The following SNX25 variants were observed in gnomAD, a reference collection of about 807,000 sequenced individuals.
SNX25 encodes sorting nexin-25.
In SNX25, 62 loss-of-function variants were observed where a neutral mutation model predicts 113.7. That is an observed-to-expected ratio of 0.55 (90% CI 0.44 to 0.67). The LOEUF (loss-of-function observed/expected upper bound fraction) is 0.67. Ranked by LOEUF, SNX25 falls within the 30% of genes least tolerant of loss-of-function variation. The probability of loss-of-function intolerance (pLI) is 0.00; values close to 1 mark genes in which losing one functional copy is unlikely to be tolerated. For missense variants in SNX25, 1,014 were observed against 1,161.0 expected (o/e 0.87, Z 1.84); for synonymous variants, 421 against 436.2 (o/e 0.97, Z 0.43).
chr4:185,376,066 G>A, the SNX25 span, among the ~76,000 whole-genome samples: 10 of 152,038 alleles, frequency 6.6e-5, no homozygotes, highest in African/African-American at 9.7e-5. Flanking sequence ...AAGTCTTCCC[G>A]GGGAAGTCAA....
At chr4:185,282,135 G>T (rs1026858979) in intron 5 of SNX25, among the ~76,000 whole-genome samples, 1 of 151,890 alleles carries the variant, frequency 6.6e-6, no homozygotes, top group African/African-American at 2.4e-5. Flanking sequence ...TTATCACATC[G>T]CATACCTGAG....
At chr4:185,332,439 A>C (rs2095202030) in intron 9 of SNX25, among the ~76,000 whole-genome samples, 156 bp from the exon 10 acceptor site, 1 of 152,104 alleles carries the variant, frequency 6.6e-6, no homozygotes, top group Admixed American at 6.6e-5. Flanking sequence ...AAAGACTTTG[A>C]TTTTTCTCTT....
chr4:185,224,035 C>A (rs1028172556), intron 1 of SNX25, among the ~76,000 whole-genome samples: 9 of 152,082 alleles, frequency 5.9e-5, no homozygotes, highest in African/African-American at 1.9e-4. Context: ...GTGACCAATT[C>A]CCCCATTGTG....
At chr4:185,241,532 AGAGGGAGAG>A (rs1744033999) in intron 1 of SNX25, among the ~76,000 whole-genome samples, 2 of 107,972 alleles carry the variant, frequency 1.9e-5, no homozygotes, top group African/African-American at 3.5e-5. Context: ...GAGAGGAGGG[AGAGGGAGAG>A]GAGGGAGAGG....
chr4:185,239,429 G>A (rs1280172274), intron 1 of SNX25, among the ~76,000 whole-genome samples: 2 of 152,150 alleles, frequency 1.3e-5, no homozygotes, highest in Non-Finnish European at 2.9e-5. Context: ...CTTGCAGTGA[G>A]CTGAGATCGC....
At chr4:185,251,792 C>T (rs1257722160) in intron 2 of SNX25, among the ~76,000 whole-genome samples, 1 of 151,460 alleles carries the variant, frequency 6.6e-6, no homozygotes, top group Non-Finnish European at 1.5e-5. Flanking sequence ...TTATTTTAGA[C>T]CAGTTTGTTT....
At chr4:185,323,039 C>G (rs545196768) in intron 8 of SNX25, among the ~76,000 whole-genome samples, 1 of 152,248 alleles carries the variant, frequency 6.6e-6, no homozygotes, top group Admixed American at 6.5e-5. Context: ...ACAAAGCTGT[C>G]TAATATAAGC....
chr4:185,264,332 T>G (rs1747743949), intron 3 of SNX25, 106 bp from the exon 4 acceptor site: 1 of 1,081,904 alleles, frequency 9.2e-7, no homozygotes, highest in Non-Finnish European at 1.3e-6. Flanking sequence ...GAGATGGCAG[T>G]TACTATAACC....
chr4:185,372,997 T>G (rs779701346), downstream of SNX25: 1 of 1,613,988 alleles, frequency 6.2e-7, no homozygotes, highest in Admixed American at 1.7e-5. Flanking sequence ...CCGGATGCCT[T>G]GTCCATACAA....
At position 185,211,311 on chromosome 4, in the gene SNX25, G is replaced by A. The variant is rs1484434975; in HGVS notation, c.429+1056G>A. ...AGGTAACAGACATTTCGCTCAGTAGGCTGATAAACAAGGCAGTATATTAAG... is the reference window on the plus strand; with the variant it reads ...AGGTAACAGACATTTCGCTCAGTAGACTGATAAACAAGGCAGTATATTAAG... On this transcript the variant is annotated intron_variant, in intron 1 of 18. Coordinates refer to ENST00000652585, the MANE Select transcript of SNX25 (RefSeq NM_001378034.2). 2.6e-5 allele frequency among the ~76,000 whole-genome samples: 4 copies of A among 152,194 alleles called. No homozygotes were observed. In the East Asian group the frequency reaches 5.8e-4, roughly 22 times the overall value.
At chr4:185,368,217 C>A (rs2095398248), downstream of SNX25, among the ~76,000 whole-genome samples, 1 of 152,190 alleles carries the variant, frequency 6.6e-6, no homozygotes, top group African/African-American at 2.4e-5. Context: ...GCTGGTGTTT[C>A]TCTCCATGTA....
intron 10 of SNX25, among the ~76,000 whole-genome samples, chr4:185,335,162 A>C (rs938496262): frequency 1.3e-5 from 2 of 152,136 alleles, no homozygotes; most frequent in Non-Finnish European, 2.9e-5. Context: ...TCTACTAAAA[A>C]TATAACAATT....
At chr4:185,298,524 A>G (rs1349505638) in intron 6 of SNX25, among the ~76,000 whole-genome samples, 2 of 152,044 alleles carry the variant, frequency 1.3e-5, no homozygotes, top group African/African-American at 2.4e-5. Context: ...TTTAAAACTC[A>G]TCATTGTCTT....
intron 1 of SNX25, among the ~76,000 whole-genome samples, chr4:185,225,706 G>A (rs1740898790): frequency 6.6e-6 from 1 of 152,162 alleles, no homozygotes. Flanking sequence ...GTTTGCAGGT[G>A]TATTAACTGC....
intron 1 of SNX25, among the ~76,000 whole-genome samples, chr4:185,240,011 A>G (rs1222303245): frequency 6.6e-6 from 1 of 151,014 alleles, no homozygotes; most frequent in African/African-American, 2.4e-5. Flanking sequence ...AACAAAGCAC[A>G]TCTTGCACCA....
intron 5 of SNX25, among the ~76,000 whole-genome samples, chr4:185,276,060 C>A (rs1749626781): frequency 6.6e-6 from 1 of 151,982 alleles, no homozygotes; most frequent in Non-Finnish European, 1.5e-5. Context: ...ACATTATTTT[C>A]ATTTAGCAAG....
intron 6 of SNX25, among the ~76,000 whole-genome samples, chr4:185,291,008 G>A (rs1286237105): frequency 6.6e-6 from 1 of 152,220 alleles, no homozygotes; most frequent in South Asian, 2.1e-4. Flanking sequence ...AAACAGTGAT[G>A]TGGATGACAT....
At chr4:185,325,488 G>A (rs1020194417) in intron 9 of SNX25, among the ~76,000 whole-genome samples, 3 of 144,440 alleles carry the variant, frequency 2.1e-5, no homozygotes, top group Non-Finnish European at 3.0e-5. Context: ...AGCCAAGATC[G>A]TGCCACTGCA....
intron 2 of SNX25, among the ~76,000 whole-genome samples, chr4:185,255,061 G>A (rs1746209470): frequency 6.6e-6 from 1 of 151,912 alleles, no homozygotes; most frequent in Admixed American, 6.6e-5. Flanking sequence ...AAAGTATTTT[G>A]TTGATATGTG....
Sources: allele counts gnomAD v4.1 joint callset (sites outside exome capture counted in the v4.1 genomes callset), GRCh38; gene constraint gnomAD v4.1.1; transcripts MANE v1.5; gene names NCBI Gene and HGNC (gene_info 2026-07-23, HGNC 2026-07-21).